Variants in GPHN observed in about 807,000 individuals in gnomAD.
GPHN encodes the protein gephyrin.
Under a neutral mutation model 95.5 loss-of-function variants are expected in GPHN, and 17 were observed. The observed-to-expected ratio is 0.18, with a 90% CI of 0.12 to 0.27. The LOEUF is 0.27. GPHN is among the 10% of genes least tolerant of loss of function. The pLI is 1.00. For synonymous variants in GPHN, 320 were observed against 322.5 expected (o/e 0.99, Z 0.08); for missense variants, 660 against 978.1 (o/e 0.67, Z 4.34).
intron 1 of GPHN, among the ~76,000 whole-genome samples, chr14:66,592,517 A>G (rs879974175): frequency 6.6e-6 from 1 of 152,148 alleles, no homozygotes. Context: ...TTCCCAGAAG[A>G]AGACATTTGT....
chr14:66,628,413 G>A (rs2063601733), intron 1 of GPHN, among the ~76,000 whole-genome samples: 1 of 152,074 alleles, frequency 6.6e-6, no homozygotes, highest in Non-Finnish European at 1.5e-5. Context: ...AATGAATATT[G>A]TAGGCAGTTA....
chr14:67,193,814 G>C, the GPHN span, among the ~76,000 whole-genome samples: 184 of 148,772 alleles, frequency 1.2e-3, no homozygotes, highest in African/African-American at 4.3e-3. Flanking sequence ...GTATGGTAGC[G>C]TGTACCTGTA....
intron 2 of GPHN, among the ~76,000 whole-genome samples, chr14:66,741,281 AAAT>A (rs1237908579): frequency 6.6e-6 from 1 of 152,216 alleles, no homozygotes; most frequent in African/African-American, 2.4e-5. Flanking sequence ...TATAATATGC[AAAT>A]AATTTTGTTT....
At chr14:67,333,106 C>T in the GPHN span, 10 of 634,244 alleles carry the variant, frequency 1.6e-5, no homozygotes, top group African/African-American at 7.4e-5. Flanking sequence ...ATTAGTGAGA[C>T]GACAGTTCCC....
chr14:66,508,159 G>A lies in GPHN; in HGVS notation c.-369G>A. The A allele has an allele frequency of 2.2e-6, 1 of 462,506 alleles. No homozygotes were observed. 28.7% of individuals were successfully genotyped at this position (462,506 alleles called of 1,614,324 possible). ...GAGCGTGTGCTATCCTTTCCTCTCAGTCCTGCCATCTAGCTGCCTTGGGTC... is the reference window on the plus strand; with the variant it reads ...GAGCGTGTGCTATCCTTTCCTCTCAATCCTGCCATCTAGCTGCCTTGGGTC... On this transcript the variant is annotated 5_prime_UTR_variant, in exon 1 of 23. Transcript: ENST00000478722.
rs555389401 is a variant in GPHN at position 66,984,910 on chromosome 14, A to G, written c.963+19585A>G. On this transcript the variant is annotated intron_variant, in intron 9 of 22. Coordinates refer to ENST00000478722, the MANE Select transcript of GPHN (RefSeq NM_020806.5). ...TTAGTTCTCATTAGAGCTCTATTTAAAAAGTACCTCCTCTAATAAAACATT... is the reference window on the plus strand; with the variant it reads ...TTAGTTCTCATTAGAGCTCTATTTAGAAAGTACCTCCTCTAATAAAACATT... 4.6e-5 allele frequency among the ~76,000 whole-genome samples: 7 copies of G among 152,182 alleles called. No homozygotes were observed. The East Asian group carries it at 1.4e-3, about 29-fold the overall frequency.
chr14:67,557,224 C>T, the GPHN span: 3 of 1,573,304 alleles, frequency 1.9e-6, no homozygotes, highest in Non-Finnish European at 2.6e-6. Context: ...CTGCACACCC[C>T]GTGTGAGTGA....
At chr14:67,292,573 CAGG>C in the GPHN span, 1 of 1,613,522 alleles carries the variant, frequency 6.2e-7, no homozygotes, top group East Asian at 2.2e-5. Flanking sequence ...TTCTCAGAGC[CAGG>C]AGGATATTTC....
the GPHN span, chr14:67,725,187 G>T: frequency 6.2e-7 from 1 of 1,614,192 alleles, no homozygotes; most frequent in Non-Finnish European, 8.5e-7. Context: ...ACTCCCAGGT[G>T]CTGGTGCGGA....
chr14:67,050,213 G>A (rs1255933964), intron 10 of GPHN, among the ~76,000 whole-genome samples: 1 of 152,130 alleles, frequency 6.6e-6, no homozygotes, highest in Non-Finnish European at 1.5e-5. Context: ...TAAATAAAAT[G>A]TTTATACTAT....
At chr14:67,586,928 C>T in the GPHN span, 4 of 1,541,646 alleles carry the variant, frequency 2.6e-6, no homozygotes, top group Non-Finnish European at 8.7e-7. Flanking sequence ...AGTTATGATT[C>T]CCTTTGGATA....
chr14:67,145,041 C>A (rs1442676891), intron 18 of GPHN, among the ~76,000 whole-genome samples: 1 of 152,216 alleles, frequency 6.6e-6, no homozygotes, highest in Non-Finnish European at 1.5e-5. Context: ...GGGCTGAGAT[C>A]TGCACTGTAG....
intron 11 of GPHN, among the ~76,000 whole-genome samples, chr14:67,063,293 A>T (rs921280904): frequency 6.6e-6 from 1 of 151,946 alleles, no homozygotes. Flanking sequence ...TGGTCTATAT[A>T]TCTGTTTTGG....
the GPHN span, chr14:67,200,136 A>G: frequency 9.0e-6 from 10 of 1,111,894 alleles, no homozygotes; most frequent in Non-Finnish European, 1.3e-5. Flanking sequence ...CTCCATTCTG[A>G]TCTCCCATGG....
At chr14:66,886,090 G>A (rs2153537503) in intron 5 of GPHN, among the ~76,000 whole-genome samples, 1 of 152,204 alleles carries the variant, frequency 6.6e-6, no homozygotes, top group Middle Eastern at 3.4e-3. Flanking sequence ...TATTGATAAT[G>A]CCAAGATAAT....
In GPHN at chr14:66,950,343, C is replaced by T. The variant is rs112469245; in HGVS notation, c.829-14848C>T. On this transcript the variant is annotated intron_variant, in intron 8 of 22. Transcript: ENST00000478722. ...ACTACTCCATGGCAAGCCTTTGGTT[C>T]ATCTCTCTTACTGACAACCTTATAT... is the stretch of plus-strand genomic sequence containing the variant. Among the ~76,000 whole-genome samples, 470 of 152,256 alleles carry T rather than the reference C, an allele frequency of 3.1e-3. 10 individuals are homozygous for T. The highest frequency in any genetic ancestry group is 0.011 in the African/African-American group (445 of 41,554).
chr14:67,304,538 C>T, the GPHN span, among the ~76,000 whole-genome samples: 1 of 152,174 alleles, frequency 6.6e-6, no homozygotes, highest in Non-Finnish European at 1.5e-5. Flanking sequence ...GGAAGCCAGT[C>T]ACAAAAGGCC....
intron 11 of GPHN, among the ~76,000 whole-genome samples, chr14:67,070,371 C>G (rs1004527646): frequency 6.8e-6 from 1 of 147,598 alleles, no homozygotes. Flanking sequence ...AAAATCACAA[C>G]TTGTAACTAA....
chr14:67,423,861 CGAAA>C, the GPHN span, among the ~76,000 whole-genome samples: 1 of 152,294 alleles, frequency 6.6e-6, no homozygotes, highest in African/African-American at 2.4e-5. Flanking sequence ...GTTGGAGGAA[CGAAA>C]GACTTTTAAA....
Sources: allele counts gnomAD v4.1 joint callset (sites outside exome capture counted in the v4.1 genomes callset), GRCh38; gene constraint gnomAD v4.1.1; transcripts MANE v1.5; gene names NCBI Gene and HGNC (gene_info 2026-07-23, HGNC 2026-07-21).